NELL1: variants seen among roughly 807,000 people sequenced by gnomAD.
The protein encoded by NELL1 is neural EGFL like 1.
A neutral mutation model predicts 107.4 loss-of-function variants in NELL1; 76 were observed. The observed-to-expected ratio is 0.71, with a 90% CI of 0.59 to 0.86. NELL1 has a LOEUF of 0.86. Ranked by LOEUF, NELL1 falls within the 40% of genes least tolerant of loss-of-function variation. NELL1 has a pLI of 0.00. For synonymous variants in NELL1, 353 were observed against 341.2 expected, an observed-to-expected ratio of 1.03 and a Z score of -0.38; for missense variants, 1,024 against 1,005.5, an observed-to-expected ratio of 1.02 and a Z score of -0.25.
chr11:20,703,659 C>G (rs147172039), intron 2 of NELL1, among the ~76,000 whole-genome samples: 5,355 of 152,276 alleles, frequency 0.035, 321 homozygotes, highest in African/African-American at 0.12. Context: ...AAATTTCTCT[C>G]TACACACTGC....
At chr11:21,518,880 T>C (rs772663101) in intron 15 of NELL1, among the ~76,000 whole-genome samples, 2 of 152,202 alleles carry the variant, frequency 1.3e-5, no homozygotes, top group Non-Finnish European at 2.9e-5. Context: ...GTTGAATTTA[T>C]TTTGGCTGGA....
chr11:20,671,884 C>T (rs1853921610), intron 1 of NELL1, among the ~76,000 whole-genome samples: 1 of 152,028 alleles, frequency 6.6e-6, no homozygotes, highest in African/African-American at 2.4e-5. Flanking sequence ...GAGAGATGTA[C>T]CTTCAAGGCT....
At chr11:21,303,730 T>C (rs1004551459) in intron 14 of NELL1, among the ~76,000 whole-genome samples, 2 of 152,102 alleles carry the variant, frequency 1.3e-5, no homozygotes, top group Non-Finnish European at 2.9e-5. Context: ...ACAGCACTAT[T>C]CACGATAGCA....
At chr11:21,116,211 G>A (rs979145943) in intron 13 of NELL1, among the ~76,000 whole-genome samples, 2 of 151,942 alleles carry the variant, frequency 1.3e-5, no homozygotes, top group African/African-American at 2.4e-5. Context: ...TAAAGCACAT[G>A]TTTTCTTGGC....
At chr11:20,695,141 T>G (rs1854581489) in intron 2 of NELL1, among the ~76,000 whole-genome samples, 1 of 152,158 alleles carries the variant, frequency 6.6e-6, no homozygotes, top group Non-Finnish European at 1.5e-5. Context: ...ATACATTGAT[T>G]TTCTCTCCTG....
intron 19 of NELL1, among the ~76,000 whole-genome samples, chr11:21,574,614 C>G (rs1422515863): frequency 1.3e-5 from 2 of 151,712 alleles, no homozygotes; most frequent in Non-Finnish European, 2.9e-5. Context: ...TGACAAATTG[C>G]TATCTTTTAG....
At chr11:20,862,503 A>G (rs1848995848) in intron 4 of NELL1, among the ~76,000 whole-genome samples, 2 of 146,684 alleles carry the variant, frequency 1.4e-5, no homozygotes, top group South Asian at 2.3e-4. Context: ...CATTCTTGGT[A>G]TTGTACATTT....
At position 20,940,284 on chromosome 11, in the gene NELL1, G is replaced by A. The variant is rs188863346; in HGVS notation, c.1071+2425G>A. Among the ~76,000 whole-genome samples, 1,048 of 150,880 alleles carry A rather than the reference G, an allele frequency of 6.9e-3. 19 individuals carry two copies. Among genetic ancestry groups the A allele is most frequent in the African/African-American group, 0.024 (993 of 40,998 alleles). ...TTGGGCTTCTTTTTTTTTTTAGACC[G>A]GGTCTCGCTCTGTCTCCCAGGCTGG... On this transcript the variant is annotated intron_variant, in intron 10 of 19. Coordinates refer to ENST00000357134, the MANE Select transcript of NELL1 (RefSeq NM_006157.5).
At chr11:20,736,917 G>A (rs140913820) in intron 2 of NELL1, among the ~76,000 whole-genome samples, 3,236 of 151,898 alleles carry the variant, frequency 0.021, 58 homozygotes, top group Non-Finnish European at 0.027. Context: ...ACCATGCCTG[G>A]CTAATTTTTG....
At chr11:21,118,223 T>G (rs1268956636) in intron 13 of NELL1, among the ~76,000 whole-genome samples, 1 of 151,892 alleles carries the variant, frequency 6.6e-6, no homozygotes, top group Non-Finnish European at 1.5e-5. Context: ...CTGAAAGCAA[T>G]GGGGGGCTGT....
At chr11:20,802,409 T>G (rs1168890061) in intron 3 of NELL1, among the ~76,000 whole-genome samples, 2 of 76,390 alleles carry the variant, frequency 2.6e-5, no homozygotes, top group South Asian at 3.8e-4. Flanking sequence ...AGAAATGCTG[T>G]TTTTTTTTTT....
At chr11:20,849,767 G>A (rs1848763212) in intron 4 of NELL1, among the ~76,000 whole-genome samples, 1 of 152,074 alleles carries the variant, frequency 6.6e-6, no homozygotes, top group Admixed American at 6.5e-5. Context: ...CTGGTCATAA[G>A]AAAAGTAAAT....
At chr11:21,353,457 T>C (rs1388550663) in intron 14 of NELL1, among the ~76,000 whole-genome samples, 2 of 150,882 alleles carry the variant, frequency 1.3e-5, no homozygotes, top group Non-Finnish European at 2.9e-5. Context: ...CCACAGACTA[T>C]GCTTTTACCT....
At chr11:21,417,336 G>A (rs951893432) in intron 15 of NELL1, among the ~76,000 whole-genome samples, 1 of 151,616 alleles carries the variant, frequency 6.6e-6, no homozygotes, top group African/African-American at 2.4e-5. Context: ...CCTTTTTGGT[G>A]GTATTTACTC....
In NELL1 at chr11:21,052,542, G is replaced by A. The variant is rs377444413; in HGVS notation, c.1301-61047G>A. Among the ~76,000 whole-genome samples the A allele has an allele frequency of 1.4e-4, 21 of 152,214 alleles. No homozygotes were observed. The East Asian group carries it at 2.5e-3, about 18-fold the overall frequency. On this transcript the variant is annotated intron_variant, in intron 12 of 19. Transcript: ENST00000357134. Reference sequence around the variant, plus strand: ...GTGAGTCAATCAATAAACATTTATCGAGTAATCTTCTATATGCCAGCTACA... The same window carrying A: ...GTGAGTCAATCAATAAACATTTATCAAGTAATCTTCTATATGCCAGCTACA...
chr11:20,863,274 GA>G (rs1449664351), intron 4 of NELL1, among the ~76,000 whole-genome samples: 3 of 140,348 alleles, frequency 2.1e-5, no homozygotes, highest in South Asian at 2.3e-4. Context: ...GGCGGGGGCT[GA>G]CCCCCCACCT....
chr11:21,168,474 C>G (rs1050425350), intron 13 of NELL1, among the ~76,000 whole-genome samples: 1 of 151,750 alleles, frequency 6.6e-6, no homozygotes, highest in Non-Finnish European at 1.5e-5. Flanking sequence ...CACCTCTTCT[C>G]TTTACCTTTC....
intron 15 of NELL1, among the ~76,000 whole-genome samples, chr11:21,396,663 G>T (rs1019375443): frequency 5.3e-5 from 8 of 151,584 alleles, no homozygotes; most frequent in African/African-American, 1.9e-4. Context: ...GATAAACTCT[G>T]TATGAGAGGT....
At chr11:21,317,698 G>T (rs1849908894) in intron 14 of NELL1, among the ~76,000 whole-genome samples, 1 of 152,004 alleles carries the variant, frequency 6.6e-6, no homozygotes, top group South Asian at 2.1e-4. Context: ...AGCAAAACCA[G>T]ATGTCAAAAA....
Sources: allele counts gnomAD v4.1 joint callset (sites outside exome capture counted in the v4.1 genomes callset), GRCh38; gene constraint gnomAD v4.1.1; transcripts MANE v1.5; gene names NCBI Gene and HGNC (gene_info 2026-07-23, HGNC 2026-07-21).